FAT3: variants seen among roughly 807,000 people sequenced by gnomAD.
The protein encoded by FAT3 is protocadherin Fat 3.
Under a neutral mutation model 310.2 loss-of-function variants are expected in FAT3, and 95 were observed. That is an observed-to-expected ratio of 0.31 (90% CI 0.26 to 0.36). The LOEUF is 0.36. FAT3 is among the 10% of genes least tolerant of loss of function. FAT3 has a pLI of 1.00. For missense variants in FAT3, 5,408 were observed against 5,715.6 expected, an observed-to-expected ratio of 0.95 and a Z score of 1.74; for synonymous variants, 2,314 against 2,192.9, an observed-to-expected ratio of 1.06 and a Z score of -1.54.
chr11:92,729,915 A>G (rs538474133), intron 4 of FAT3, among the ~76,000 whole-genome samples: 14 of 152,344 alleles, frequency 9.2e-5, no homozygotes, highest in African/African-American at 2.6e-4. Context: ...AGTAAATTCT[A>G]TGCTCAGAAT....
intron 3 of FAT3, among the ~76,000 whole-genome samples, chr11:92,636,205 C>A (rs1017935628): frequency 1.3e-5 from 2 of 152,172 alleles, no homozygotes; most frequent in Non-Finnish European, 1.5e-5. Context: ...TCAAGTGATG[C>A]ACCCACTCTG....
At chr11:92,415,131 C>T (rs1427803204) in intron 2 of FAT3, among the ~76,000 whole-genome samples, 2 of 152,168 alleles carry the variant, frequency 1.3e-5, no homozygotes, top group Non-Finnish European at 2.9e-5. Flanking sequence ...AACTTTCTTG[C>T]CCTGATGTGC....
chr11:92,571,132 T>C (rs370675161), intron 3 of FAT3, among the ~76,000 whole-genome samples: 2 of 152,256 alleles, frequency 1.3e-5, no homozygotes, highest in South Asian at 2.1e-4. Context: ...AGAAATATGA[T>C]CATTTTAGAG....
intron 1 of FAT3, among the ~76,000 whole-genome samples, chr11:92,273,399 A>G (rs1040643917): frequency 2.0e-5 from 3 of 152,040 alleles, no homozygotes; most frequent in African/African-American, 7.2e-5. Context: ...CTGAGCCTGC[A>G]GGGATTGTAG....
At chr11:92,562,735 C>T (rs1218395197) in intron 3 of FAT3, among the ~76,000 whole-genome samples, 1 of 152,096 alleles carries the variant, frequency 6.6e-6, no homozygotes, top group African/African-American at 2.4e-5. Flanking sequence ...GCCCAAGAAC[C>T]ATAAACTCTG....
intron 2 of FAT3, among the ~76,000 whole-genome samples, chr11:92,450,021 C>CA: frequency 6.6e-6 from 1 of 152,280 alleles, no homozygotes; most frequent in Non-Finnish European, 1.5e-5. Flanking sequence ...CACTGAAGCT[C>CA]ATGTGTCCTT....
At chr11:92,463,677 C>G (rs1951689935) in intron 2 of FAT3, among the ~76,000 whole-genome samples, 1 of 152,034 alleles carries the variant, frequency 6.6e-6, no homozygotes, top group Non-Finnish European at 1.5e-5. Context: ...ATCAGCTGTT[C>G]AAGGTAATTT....
At chr11:92,450,423 G>T (rs1951325537) in intron 2 of FAT3, among the ~76,000 whole-genome samples, 1 of 152,054 alleles carries the variant, frequency 6.6e-6, no homozygotes, top group Non-Finnish European at 1.5e-5. Flanking sequence ...GGATTTATGG[G>T]TATGATTCCC....
At chr11:92,838,167 T>A (rs1948452830) in intron 17 of FAT3, among the ~76,000 whole-genome samples, 1 of 152,120 alleles carries the variant, frequency 6.6e-6, no homozygotes, top group Non-Finnish European at 1.5e-5. Flanking sequence ...GAGTCAGGAT[T>A]TGAACTTGGG....
Position 92,889,897 on chromosome 11 carries a change from T to A in FAT3, c.13147+6T>A. On this transcript the variant is annotated splice_donor_region_variant and intron_variant, in intron 27 of 27. Transcript: ENST00000525166. The stretch of plus-strand genomic sequence containing the variant: ...AGGACAGAACTACAACCGAGGTGAC[T>A]GTGCCGCAACCCTAGCATAACTTTT... The A allele has an allele frequency of 1.4e-6, 1 of 718,132 alleles. No individual in the cohort carries two copies. The highest frequency in any genetic ancestry group is 2.6e-6 in the Non-Finnish European group (1 of 385,220). 44.5% of individuals were successfully genotyped at this position (718,132 alleles called of 1,614,324 possible).
At chr11:92,512,512 TATATATAA>T (rs1953329626) in intron 2 of FAT3, among the ~76,000 whole-genome samples, 1 of 146,822 alleles carries the variant, frequency 6.8e-6, no homozygotes. Context: ...CAAAAAAAAA[TATATATAA>T]ATATATATAA....
chr11:92,550,103 G>T (rs1363880625), intron 3 of FAT3, among the ~76,000 whole-genome samples: 1 of 152,142 alleles, frequency 6.6e-6, no homozygotes, highest in Non-Finnish European at 1.5e-5. Flanking sequence ...AAACTTTCAA[G>T]AATTAAAAGC....
At chr11:92,810,695 G>T (rs1947644911) in intron 13 of FAT3, among the ~76,000 whole-genome samples, 1 of 152,166 alleles carries the variant, frequency 6.6e-6, no homozygotes, top group Admixed American at 6.5e-5. Context: ...TGCTAATAAA[G>T]TTTATGCTCA....
intron 3 of FAT3, among the ~76,000 whole-genome samples, chr11:92,670,070 G>GT (rs765663137): frequency 4.6e-5 from 7 of 152,168 alleles, no homozygotes; most frequent in South Asian, 4.1e-4. Flanking sequence ...CCACAGTGGT[G>GT]TTTTCTGGCT....
At chr11:92,582,957 G>T (rs929240406) in intron 3 of FAT3, among the ~76,000 whole-genome samples, 1 of 151,938 alleles carries the variant, frequency 6.6e-6, no homozygotes, top group Admixed American at 6.6e-5. Context: ...CATTGTGCAC[G>T]ATAAGGTACC....
At chr11:92,570,127 G>A (rs189926366) in intron 3 of FAT3, among the ~76,000 whole-genome samples, 278 of 152,256 alleles carry the variant, frequency 1.8e-3, no homozygotes, top group Non-Finnish European at 2.9e-3. Flanking sequence ...TAAAGAACAC[G>A]GTGAATATGC....
chr11:92,422,449 C>T (rs1950551230), intron 2 of FAT3, among the ~76,000 whole-genome samples: 1 of 152,162 alleles, frequency 6.6e-6, no homozygotes. Flanking sequence ...TTGAGCCAAA[C>T]TCCATCTTGA....
intron 1 of FAT3, among the ~76,000 whole-genome samples, chr11:92,345,872 G>A (rs1436917277): frequency 6.6e-6 from 1 of 152,054 alleles, no homozygotes; most frequent in African/African-American, 2.4e-5. Flanking sequence ...GTTAAACTAG[G>A]GTGTTGGGGT....
intron 7 of FAT3, among the ~76,000 whole-genome samples, chr11:92,775,766 A>G (rs185198102): frequency 7.2e-5 from 11 of 152,332 alleles, no homozygotes; most frequent in African/African-American, 2.6e-4. Flanking sequence ...AAATACAGCC[A>G]CAGAAATCCT....
Sources: gnomAD v4.1 joint callset for allele counts (sites outside exome capture counted in the v4.1 genomes callset) on GRCh38, gnomAD v4.1.1 for gene constraint, MANE v1.5 for transcripts, NCBI Gene and HGNC (gene_info 2026-07-23, HGNC 2026-07-21) for gene names.